NTM: variants seen among roughly 807,000 people sequenced by gnomAD.
The protein encoded by NTM is neurotrimin, also known as IgLON family member 2.
NTM carries 13 observed loss-of-function variants against 42.1 expected under a neutral mutation model. The observed-to-expected ratio is 0.31, with a 90% CI of 0.20 to 0.49. The LOEUF is 0.49. Ranked by LOEUF, NTM falls within the 20% of genes least tolerant of loss-of-function variation. The probability of loss-of-function intolerance (pLI) is 0.99; values close to 1 mark genes in which losing one functional copy is unlikely to be tolerated. For missense variants in NTM, 373 were observed against 452.8 expected (o/e 0.82, Z 1.60); for synonymous variants, 187 against 179.2 (o/e 1.04, Z -0.35).
At chr11:131,854,294 A>G (rs2136874097) in intron 1 of NTM, among the ~76,000 whole-genome samples, 1 of 152,316 alleles carries the variant, frequency 6.6e-6, no homozygotes, top group Admixed American at 6.5e-5. Flanking sequence ...TCCTTTAGGG[A>G]GCTACCAGCT....
intron 1 of NTM, among the ~76,000 whole-genome samples, chr11:131,569,475 A>G (rs560058068): frequency 1.3e-5 from 2 of 151,286 alleles, no homozygotes; most frequent in East Asian, 1.9e-4. Flanking sequence ...TTATAAATTT[A>G]CCTGTCCTGG....
rs201455045 is a variant in NTM at position 132,077,135 on chromosome 11, CTTG to C, written c.168-69143_168-69141del. On this transcript the variant is annotated intron_variant, in intron 2 of 8. Transcript: ENST00000683400. Reference sequence around the variant, plus strand: ...CATTGCCGCCAGCCAACCCTATGGACTTGTTGGTGACACATGCGAAGGCACAGG... The same window carrying C: ...CATTGCCGCCAGCCAACCCTATGGACTTGGTGACACATGCGAAGGCACAGG... 4.2e-3 allele frequency among the ~76,000 whole-genome samples: 636 copies of C among 152,330 alleles called. 5 individuals are homozygous for C. Among genetic ancestry groups the C allele is most frequent in the African/African-American group, 0.015 (618 of 41,574 alleles).
chr11:131,659,170 A>G (rs2067619678), intron 1 of NTM, among the ~76,000 whole-genome samples: 1 of 152,062 alleles, frequency 6.6e-6, no homozygotes, highest in Admixed American at 6.5e-5. Flanking sequence ...AAAACCACAC[A>G]TTTTTCACCA....
In NTM at chr11:131,395,272, T is replaced by C. The variant is rs75832553; in HGVS notation, c.82+24384T>C. 9.1e-3 allele frequency among the ~76,000 whole-genome samples: 1,383 copies of C among 152,340 alleles called. 18 individuals are homozygous for C. Among genetic ancestry groups the C allele is most frequent in the African/African-American group, 0.032 (1,318 of 41,576 alleles). On this transcript the variant is annotated intron_variant, in intron 1 of 8. Transcript: ENST00000683400. ...GTTGAAGTCCCCAAGGAAACTGATA[T>C]GATTGCTGAACAGAAATGGTTCCAA... is the stretch of plus-strand genomic sequence containing the variant.
intron 1 of NTM, among the ~76,000 whole-genome samples, chr11:131,855,726 T>C (rs1368207675): frequency 6.6e-6 from 1 of 152,186 alleles, no homozygotes; most frequent in Non-Finnish European, 1.5e-5. Flanking sequence ...AATTCCTTAA[T>C]ATCAAATGCA....
intron 1 of NTM, among the ~76,000 whole-genome samples, chr11:131,903,538 A>G (rs2053455976): frequency 6.6e-6 from 1 of 152,226 alleles, no homozygotes; most frequent in Non-Finnish European, 1.5e-5. Context: ...CAGCTCATTA[A>G]TTACTTTGTA....
intron 1 of NTM, among the ~76,000 whole-genome samples, chr11:131,856,846 G>T (rs2046151063): frequency 6.6e-6 from 1 of 152,188 alleles, no homozygotes; most frequent in African/African-American, 2.4e-5. Context: ...TACAGGCAAG[G>T]ACGTTAAGGC....
At chr11:131,536,281 G>C (rs1362371270) in intron 1 of NTM, 2 of 152,192 alleles carry the variant, frequency 1.3e-5, no homozygotes. Flanking sequence ...TGGCAAATCA[G>C]AAAAGTGGAT....
intron 2 of NTM, among the ~76,000 whole-genome samples, chr11:132,035,381 G>A (rs1321233354): frequency 6.6e-6 from 1 of 152,144 alleles, no homozygotes; most frequent in Non-Finnish European, 1.5e-5. Context: ...ATGCTTCTTT[G>A]TTTCCTCTCT....
At chr11:131,561,565 T>C (rs925035838) in intron 1 of NTM, among the ~76,000 whole-genome samples, 1 of 152,188 alleles carries the variant, frequency 6.6e-6, no homozygotes, top group African/African-American at 2.4e-5. Flanking sequence ...GCCATTCACT[T>C]AGTTACAGAT....
chr11:131,433,121 T>C (rs1314227379), intron 1 of NTM, among the ~76,000 whole-genome samples: 1 of 152,098 alleles, frequency 6.6e-6, no homozygotes, highest in East Asian at 1.9e-4. Flanking sequence ...CCTCCCAAAG[T>C]GCTGGGATTA....
intron 1 of NTM, among the ~76,000 whole-genome samples, chr11:131,498,249 G>A (rs1955558195): frequency 6.6e-6 from 1 of 152,116 alleles, no homozygotes; most frequent in African/African-American, 2.4e-5. Context: ...ACCACGTACT[G>A]GTAATGGGAC....
chr11:132,144,134 C>G (rs535200296), intron 2 of NTM, among the ~76,000 whole-genome samples: 1 of 152,198 alleles, frequency 6.6e-6, no homozygotes, highest in Non-Finnish European at 1.5e-5. Flanking sequence ...GCCAGCCACA[C>G]TTTTGTGTAG....
rs569134087 is a variant in NTM, at chr11:131,927,950, G to T, written c.167+16302G>T. Among the ~76,000 whole-genome samples, 3 of 152,100 alleles carry T rather than the reference G, an allele frequency of 2.0e-5. No homozygotes were observed. The South Asian group carries it at 6.2e-4, about 32-fold the overall frequency. ...GTGAATTGAGAATATGTTCTATATT[G>T]GGAACAAAGGATTCTGGTGTTGGGA... On this transcript the variant is annotated intron_variant, in intron 2 of 8. Transcript: ENST00000683400.
At chr11:132,217,967 G>A (rs909775357) in intron 4 of NTM, among the ~76,000 whole-genome samples, 1 of 152,038 alleles carries the variant, frequency 6.6e-6, no homozygotes, top group African/African-American at 2.4e-5. Flanking sequence ...GCACTAATTG[G>A]CACTAGAGGT....
chr11:131,665,091 G>A (rs751611446), intron 1 of NTM, among the ~76,000 whole-genome samples: 9 of 152,114 alleles, frequency 5.9e-5, no homozygotes, highest in South Asian at 2.1e-4. Context: ...GCATTCACGC[G>A]TCCCCTCCTG....
At chr11:132,305,141 G>A (rs2095031702) in intron 4 of NTM, among the ~76,000 whole-genome samples, 1 of 152,202 alleles carries the variant, frequency 6.6e-6, no homozygotes, top group South Asian at 2.1e-4. Flanking sequence ...GGACTGTCAT[G>A]CCTCCAACAG....
chr11:131,647,929 G>T (rs2065970831), intron 1 of NTM, among the ~76,000 whole-genome samples: 1 of 152,172 alleles, frequency 6.6e-6, no homozygotes, highest in South Asian at 2.1e-4. Flanking sequence ...ATGGGGGTTT[G>T]TTGGACAGAT....
chr11:131,741,162 TGAGA>T (rs71067330), intron 1 of NTM, among the ~76,000 whole-genome samples: 49,976 of 128,764 alleles, frequency 0.39, 9,766 homozygotes, highest in Non-Finnish European at 0.46. Flanking sequence ...AAGACCCCGT[TGAGA>T]GAGAGAGAGA....
Sources: gnomAD v4.1 joint callset for allele counts (sites outside exome capture counted in the v4.1 genomes callset) on GRCh38, gnomAD v4.1.1 for gene constraint, MANE v1.5 for transcripts, NCBI Gene and HGNC (gene_info 2026-07-23, HGNC 2026-07-21) for gene names.